Variants in HPSE2 observed in about 807,000 individuals in gnomAD.
HPSE2 encodes the protein heparanase 2 (inactive).
A neutral mutation model predicts 60.5 loss-of-function variants in HPSE2; 38 were observed. That is an observed-to-expected ratio of 0.63 (90% CI 0.48 to 0.82). The LOEUF is 0.82. HPSE2 is among the 40% of genes least tolerant of loss of function. The pLI is 0.00. For missense variants in HPSE2, 713 were observed against 740.4 expected, an observed-to-expected ratio of 0.96 and a Z score of 0.43; for synonymous variants, 295 against 293.2, an observed-to-expected ratio of 1.01 and a Z score of -0.06.
chr10:99,049,313 T>C (rs557881010), intron 3 of HPSE2, among the ~76,000 whole-genome samples: 1 of 152,136 alleles, frequency 6.6e-6, no homozygotes, highest in Non-Finnish European at 1.5e-5. Context: ...CAACATAATA[T>C]TTTCTAAAAA....
chr10:99,180,246 C>A (rs1000977247), intron 2 of HPSE2, among the ~76,000 whole-genome samples: 3 of 152,106 alleles, frequency 2.0e-5, no homozygotes, highest in Non-Finnish European at 4.4e-5. Context: ...GCAACAGAAG[C>A]CAAAATTGAC....
chr10:98,823,174 T>C (rs74380767), intron 3 of HPSE2, among the ~76,000 whole-genome samples: 2,083 of 152,294 alleles, frequency 0.014, 40 homozygotes, highest in African/African-American at 0.048. Flanking sequence ...AGATTCTCTC[T>C]TGGAACGTCT....
At chr10:98,662,183 G>A (rs988756049) in intron 6 of HPSE2, among the ~76,000 whole-genome samples, 5 of 152,142 alleles carry the variant, frequency 3.3e-5, no homozygotes, top group African/African-American at 9.7e-5. Flanking sequence ...ATGAGCCACT[G>A]TGCCTGGCCA....
At chr10:98,855,540 G>T (rs567205642) in intron 3 of HPSE2, among the ~76,000 whole-genome samples, 31 of 152,168 alleles carry the variant, frequency 2.0e-4, no homozygotes, top group African/African-American at 7.2e-4. Context: ...GACTCTCAGG[G>T]CACAGTTGAA....
At chr10:98,917,660 C>G (rs79837658) in intron 3 of HPSE2, among the ~76,000 whole-genome samples, 2,467 of 152,220 alleles carry the variant, frequency 0.016, 35 homozygotes, top group Middle Eastern at 0.044. Flanking sequence ...ATAAATGGTA[C>G]CTACCCTTAT....
the HPSE2 span, among the ~76,000 whole-genome samples, chr10:99,311,925 T>C: frequency 8.5e-5 from 13 of 152,204 alleles, no homozygotes; most frequent in Non-Finnish European, 1.8e-4. Context: ...TGAAATAGCC[T>C]TATTGCTGAT....
intron 2 of HPSE2, among the ~76,000 whole-genome samples, chr10:99,204,570 T>G (rs1453113133): frequency 6.6e-6 from 1 of 152,162 alleles, no homozygotes; most frequent in Non-Finnish European, 1.5e-5. Context: ...TCCAAAGAAA[T>G]GGAGATGTAT....
chr10:98,458,654 T>G lies in HPSE2; in HGVS notation c.*920A>C, dbSNP rs1940149382. On this transcript the variant is annotated 3_prime_UTR_variant, in exon 12 of 12. Coordinates refer to ENST00000370552, the MANE Select transcript of HPSE2 (RefSeq NM_021828.5). Reference sequence around the variant, plus strand: ...TTACCCTATAGAGCCCCTAATATTCTCTTAATTTTGGAGAGGTCTAATTTG... The same window carrying G: ...TTACCCTATAGAGCCCCTAATATTCGCTTAATTTTGGAGAGGTCTAATTTG... 6.6e-6 allele frequency: 1 copy of G among 152,226 alleles called. No individual in the cohort carries two copies. The highest frequency in any genetic ancestry group is 2.4e-5 in the African/African-American group (1 of 41,440). The allele number at this position is 152,226 out of a possible 1,614,324, so 9.4% of individuals were successfully genotyped here. A position where few individuals can be genotyped will look rare whatever the true frequency, so the allele number is the denominator to read the frequency against.
chr10:99,310,734 C>A, the HPSE2 span, among the ~76,000 whole-genome samples: 2 of 152,232 alleles, frequency 1.3e-5, no homozygotes, highest in African/African-American at 4.8e-5. Context: ...TCAAGCAATT[C>A]TCCCACCTCA....
chr10:98,510,580 C>A (rs1471357954), intron 9 of HPSE2, among the ~76,000 whole-genome samples: 1 of 152,188 alleles, frequency 6.6e-6, no homozygotes, highest in Non-Finnish European at 1.5e-5. Context: ...GCCCATGAGA[C>A]TTTTGATGAT....
chr10:99,174,431 T>C (rs368970242), intron 2 of HPSE2, among the ~76,000 whole-genome samples: 3 of 152,218 alleles, frequency 2.0e-5, no homozygotes, highest in African/African-American at 7.2e-5. Context: ...ATATAGGAGA[T>C]GTATCGTCAA....
chr10:98,515,999 G>A (rs1478806208), intron 9 of HPSE2, among the ~76,000 whole-genome samples: 1 of 152,178 alleles, frequency 6.6e-6, no homozygotes, highest in African/African-American at 2.4e-5. Context: ...CCACCCTGTG[G>A]ATTCCTGCAG....
At chr10:99,065,073 T>TTTATATC (rs1485802989) in intron 3 of HPSE2, among the ~76,000 whole-genome samples, 1 of 152,222 alleles carries the variant, frequency 6.6e-6, no homozygotes, top group African/African-American at 2.4e-5. Flanking sequence ...TTTCCTTCTT[T>TTTATATC]TTATATCTTC....
chr10:99,275,574 C>T, the HPSE2 span, among the ~76,000 whole-genome samples: 1 of 152,104 alleles, frequency 6.6e-6, no homozygotes, highest in Non-Finnish European at 1.5e-5. Flanking sequence ...GGCTAAAAAC[C>T]ATCCCAGCAA....
chr10:99,309,931 C>T, the HPSE2 span, among the ~76,000 whole-genome samples: 1 of 152,316 alleles, frequency 6.6e-6, no homozygotes, highest in South Asian at 2.1e-4. Context: ...TAAAACAACA[C>T]AATTTATTCT....
chr10:98,614,481 A>G (rs1945845528), intron 9 of HPSE2, among the ~76,000 whole-genome samples: 1 of 152,014 alleles, frequency 6.6e-6, no homozygotes, highest in African/African-American at 2.4e-5. Flanking sequence ...TTTAGTGGAG[A>G]CGGGGTTTCA....
At chr10:98,613,286 A>AAAAAC (rs1332512414) in intron 9 of HPSE2, among the ~76,000 whole-genome samples, 2 of 152,186 alleles carry the variant, frequency 1.3e-5, no homozygotes, top group Non-Finnish European at 2.9e-5. Context: ...TTATTTCTGC[A>AAAAAC]AAAACAAAAC....
intron 3 of HPSE2, among the ~76,000 whole-genome samples, chr10:98,925,293 A>G (rs1590087884): frequency 1.3e-5 from 2 of 151,854 alleles, no homozygotes. Flanking sequence ...AGGGACAAAC[A>G]GTGAAGGCTT....
intron 9 of HPSE2, among the ~76,000 whole-genome samples, chr10:98,563,095 A>ATGAAAACAT (rs1944239883): frequency 6.6e-6 from 1 of 152,230 alleles, no homozygotes; most frequent in Non-Finnish European, 1.5e-5. Flanking sequence ...CCCAAGATGA[A>ATGAAAACAT]TGAAAACATG....
Sources: gnomAD v4.1 joint callset for allele counts (sites outside exome capture counted in the v4.1 genomes callset) on GRCh38, gnomAD v4.1.1 for gene constraint, MANE v1.5 for transcripts, NCBI Gene and HGNC (gene_info 2026-07-23, HGNC 2026-07-21) for gene names.